The following TENM2 variants were observed in gnomAD, a reference collection of about 807,000 sequenced individuals.
The protein encoded by TENM2 is teneurin transmembrane protein 2, also known as teneurin-2.
In TENM2, 52 loss-of-function variants were observed where a neutral mutation model predicts 245.2. The ratio of observed to expected loss-of-function variants is 0.21; its 90% CI spans 0.17 to 0.27. TENM2 has a LOEUF of 0.27. Ranked by LOEUF, TENM2 falls within the 10% of genes least tolerant of loss-of-function variation. TENM2 has a pLI of 1.00. For missense variants in TENM2, 3,046 were observed against 3,666.8 expected, an observed-to-expected ratio of 0.83 and a Z score of 4.37; for synonymous variants, 1,363 against 1,438.9, an observed-to-expected ratio of 0.95 and a Z score of 1.19.
chr5:168,257,224 G>A (rs1159678096), intron 27 of TENM2, among the ~76,000 whole-genome samples: 1 of 151,598 alleles, frequency 6.6e-6, no homozygotes, highest in Non-Finnish European at 1.5e-5. Flanking sequence ...GAATGTGACT[G>A]TTGTTTTGGG....
chr5:167,759,976 G>A (rs1762556248), intron 2 of TENM2, among the ~76,000 whole-genome samples: 1 of 152,216 alleles, frequency 6.6e-6, no homozygotes, highest in African/African-American at 2.4e-5. Flanking sequence ...ATTCAGAAAT[G>A]TGAAATTGAT....
chr5:167,430,033 C>T (rs1053312683), intron 2 of TENM2, among the ~76,000 whole-genome samples: 1 of 151,944 alleles, frequency 6.6e-6, no homozygotes, highest in Non-Finnish European at 1.5e-5. Context: ...GAATGAGTGG[C>T]TGAGGTGGAG....
At chr5:167,205,040 A>C in the TENM2 span, among the ~76,000 whole-genome samples, 1 of 152,328 alleles carries the variant, frequency 6.6e-6, no homozygotes, top group Non-Finnish European at 1.5e-5. Context: ...AAAGGATAAC[A>C]GAAAACACCT....
At chr5:168,167,272 T>A (rs1758384869) in intron 13 of TENM2, among the ~76,000 whole-genome samples, 1 of 149,744 alleles carries the variant, frequency 6.7e-6, no homozygotes, top group Admixed American at 6.7e-5. Flanking sequence ...CAGCCAGGGG[T>A]AGGAGAGAGG....
At chr5:168,256,923 C>T (rs148429501) in intron 27 of TENM2, among the ~76,000 whole-genome samples, 10 of 152,274 alleles carry the variant, frequency 6.6e-5, no homozygotes, top group African/African-American at 2.4e-4. Flanking sequence ...GGTAGTTATG[C>T]CTGAGCCCCT....
At chr5:167,586,325 A>C (rs1362027837) in intron 2 of TENM2, among the ~76,000 whole-genome samples, 2 of 152,166 alleles carry the variant, frequency 1.3e-5, no homozygotes, top group African/African-American at 2.4e-5. Context: ...GCATCTGTGG[A>C]TTTTGGCATC....
chr5:167,002,449 G>A, the TENM2 span, among the ~76,000 whole-genome samples: 1 of 152,208 alleles, frequency 6.6e-6, no homozygotes, highest in African/African-American at 2.4e-5. Flanking sequence ...AAAAATTATA[G>A]CTGCCTATGG....
rs1789953387 is a variant in TENM2 at position 168,060,582 on chromosome 5, T to C, written c.1310-1478T>C. ...CCTTTCGGACCTCATTCCCTACTTT[T>C]ATTATCCTAGAAGTCAAAGGGTTAT... On this transcript the variant is annotated intron_variant, in intron 6 of 28. Transcript: ENST00000518659. Among the ~76,000 whole-genome samples the C allele has an allele frequency of 2.0e-5, 3 of 152,330 alleles. No individual in the cohort carries two copies. The South Asian group carries it at 6.2e-4, about 32-fold the overall frequency.
At chr5:168,128,603 C>G (rs910654626) in intron 12 of TENM2, among the ~76,000 whole-genome samples, 3 of 152,244 alleles carry the variant, frequency 2.0e-5, no homozygotes, top group African/African-American at 2.4e-5. Flanking sequence ...TGGCTCTCTC[C>G]TACCTACAAT....
At chr5:167,377,126 A>G (rs1353622105) in intron 2 of TENM2, among the ~76,000 whole-genome samples, 1 of 152,166 alleles carries the variant, frequency 6.6e-6, no homozygotes, top group African/African-American at 2.4e-5. Flanking sequence ...AGGGCACAAA[A>G]AATGCTTGCC....
intron 2 of TENM2, among the ~76,000 whole-genome samples, chr5:167,759,682 T>A (rs528920832): frequency 6.6e-6 from 1 of 152,214 alleles, no homozygotes; most frequent in East Asian, 1.9e-4. Context: ...GGGCTGTGAA[T>A]CAGCCCCCTT....
At chr5:167,872,510 AAG>A (rs1335436400) in intron 2 of TENM2, among the ~76,000 whole-genome samples, 609 of 15,132 alleles carry the variant, frequency 0.04, 9 homozygotes, top group African/African-American at 0.071. Flanking sequence ...GAAAGAAAGA[AAG>A]AAAGAAAGAA....
chr5:167,248,319 C>T, the TENM2 span, among the ~76,000 whole-genome samples: 1 of 152,074 alleles, frequency 6.6e-6, no homozygotes, highest in South Asian at 2.1e-4. Flanking sequence ...TGTTGAGCGT[C>T]CAAAATGTGA....
Position 168,204,264 on chromosome 5 carries a change from G to A in TENM2, c.3575-108G>A, listed in dbSNP as rs1450887343. The A allele has an allele frequency of 1.2e-5, 15 of 1,226,200 alleles. No homozygotes were observed. The East Asian group carries it at 2.0e-4, about 17-fold the overall frequency. 76.0% of individuals were successfully genotyped at this position (1,226,200 alleles called of 1,614,324 possible). ...TTGTGAAGAAGTTGGAGAGCTCCCC[G>A]AGCACTGAAGATTCCTAATTTGTCT... On this transcript the variant is annotated intron_variant, in intron 18 of 28. Coordinates refer to ENST00000518659, the Ensembl canonical transcript of TENM2.
chr5:168,008,722 A>T (rs1005247892), intron 5 of TENM2, among the ~76,000 whole-genome samples: 7 of 152,224 alleles, frequency 4.6e-5, no homozygotes, highest in African/African-American at 1.7e-4. Context: ...GAAGTACCTA[A>T]TATGGCCTTA....
At chr5:167,165,879 C>A in the TENM2 span, among the ~76,000 whole-genome samples, 3 of 152,098 alleles carry the variant, frequency 2.0e-5, no homozygotes, top group Non-Finnish European at 4.4e-5. Context: ...TTTGGGAGGA[C>A]TGGGAAATTG....
intron 13 of TENM2, among the ~76,000 whole-genome samples, chr5:168,164,982 G>A (rs1331160473): frequency 1.3e-5 from 2 of 152,156 alleles, no homozygotes; most frequent in Non-Finnish European, 2.9e-5. Context: ...TGGTGGATGA[G>A]AGTATTAGAT....
At chr5:167,950,640 G>T (rs567644722) in intron 3 of TENM2, among the ~76,000 whole-genome samples, 1 of 152,102 alleles carries the variant, frequency 6.6e-6, no homozygotes. Context: ...AAAGGCATGA[G>T]AATTCATTAA....
the TENM2 span, among the ~76,000 whole-genome samples, chr5:167,157,890 T>G: frequency 1.3e-5 from 2 of 152,110 alleles, no homozygotes; most frequent in South Asian, 2.1e-4. Context: ...TGTAATGAAA[T>G]AACAGTTTAA....
Sources: allele counts gnomAD v4.1 joint callset (sites outside exome capture counted in the v4.1 genomes callset), GRCh38; gene constraint gnomAD v4.1.1; transcripts MANE v1.5; gene names NCBI Gene and HGNC (gene_info 2026-07-23, HGNC 2026-07-21).